The following KIF15 variants were observed in gnomAD, a reference collection of about 807,000 sequenced individuals.
The protein encoded by KIF15 is kinesin family member 15, also known as kinesin-like protein KIF15.
In KIF15, 140 loss-of-function variants were observed where a neutral mutation model predicts 190.6. The ratio of observed to expected loss-of-function variants is 0.73; its 90% CI spans 0.64 to 0.84. KIF15 has a LOEUF of 0.84. Ranked by LOEUF, KIF15 falls within the 40% of genes least tolerant of loss-of-function variation. The probability of loss-of-function intolerance (pLI) is 0.00; values close to 1 mark genes in which losing one functional copy is unlikely to be tolerated. For synonymous variants in KIF15, 528 were observed against 551.3 expected, an observed-to-expected ratio of 0.96 and a Z score of 0.59; for missense variants, 1,372 against 1,584.4, an observed-to-expected ratio of 0.87 and a Z score of 2.28.
chr3:44,812,823 A>G (rs1707848791), intron 18 of KIF15, among the ~76,000 whole-genome samples: 4 of 152,164 alleles, frequency 2.6e-5, no homozygotes, highest in Admixed American at 2.6e-4. Flanking sequence ...CGTCTCTACT[A>G]AAAATACAAA....
intron 20 of KIF15, among the ~76,000 whole-genome samples, chr3:44,824,651 T>C (rs1399915132): frequency 1.3e-5 from 2 of 152,184 alleles, no homozygotes; most frequent in African/African-American, 2.4e-5. Context: ...GATCTTAATT[T>C]CCTAATGTTT....
chr3:44,790,695 C>CTTTTTTTTTTTT (rs56414094), intron 7 of KIF15, among the ~76,000 whole-genome samples: 4 of 97,972 alleles, frequency 4.1e-5, no homozygotes, highest in Non-Finnish European at 5.8e-5. Context: ...TTTTCTGTTT[C>CTTTTTTTTTTTT]TTTTTTTTTT....
chr3:44,835,780 G>A (rs1050596763), intron 26 of KIF15, among the ~76,000 whole-genome samples: 5 of 152,202 alleles, frequency 3.3e-5, no homozygotes, highest in Non-Finnish European at 7.3e-5. Context: ...TTTCTCAACA[G>A]TGAAGAAAGA....
intron 6 of KIF15, chr3:44,864,315 C>A (rs377066913): frequency 6.2e-7 from 1 of 1,614,070 alleles, no homozygotes; most frequent in Non-Finnish European, 8.5e-7. Context: ...GCATCTGTCA[C>A]AGTGACTTTT....
At chr3:44,846,312 A>G (rs1370760360) in intron 30 of KIF15, among the ~76,000 whole-genome samples, 1 of 152,058 alleles carries the variant, frequency 6.6e-6, no homozygotes, top group Non-Finnish European at 1.5e-5. Context: ...AAACTCAAGG[A>G]CCGTATTTGT....
chr3:44,762,505 T>G (rs1465772729), intron 1 of KIF15, among the ~76,000 whole-genome samples: 1 of 152,216 alleles, frequency 6.6e-6, no homozygotes, highest in Non-Finnish European at 1.5e-5. Flanking sequence ...ACTAACGTAG[T>G]CATTTGCTGT....
chr3:44,830,041 T>A lies in KIF15; in HGVS notation c.3014T>A (p.Ile1005Lys). The stretch of plus-strand genomic sequence containing the variant: ...TCGGTCTGTGAGAAAACAGAAACTA[T>A]AGACACCCTGAAACAAGAACTGAAG... ...RTSVCEKTETIDTLKQELKDI... is the reference protein window; with the variant it reads ...RTSVCEKTETKDTLKQELKDI... Residue 1005 changes from isoleucine (I) to lysine (K), a missense_variant, in exon 25 of 35, where the codon ATA becomes AAA. Transcript: ENST00000326047. 1 of 1,592,760 alleles carries A rather than the reference T, an allele frequency of 6.3e-7. No homozygotes were observed. Among genetic ancestry groups the A allele is most frequent in the East Asian group, 2.3e-5 (1 of 43,388 alleles).
chr3:44,847,634 G>T (rs912994948), intron 30 of KIF15, among the ~76,000 whole-genome samples: 2 of 152,116 alleles, frequency 1.3e-5, no homozygotes, highest in South Asian at 4.1e-4. Flanking sequence ...CCAGGCTCTT[G>T]GCTCTTTCTT....
intron 6 of KIF15, chr3:44,861,976 CCT>C: frequency 7.2e-7 from 1 of 1,388,122 alleles, no homozygotes; most frequent in Non-Finnish European, 9.3e-7. Context: ...GACCGCGTAC[CCT>C]GACACCCCCG....
At position 44,815,088 on chromosome 3, in the gene KIF15, CT is replaced by C; in HGVS notation, c.2549+16del. On this transcript the variant is annotated intron_variant, in intron 20 of 34. Coordinates refer to ENST00000326047, the MANE Select transcript of KIF15 (RefSeq NM_020242.3). Reference sequence around the variant, plus strand: ...TTAGATAATCTCAGGTAGAGTTGTTCTTTTATGGTTTCAAGTTGCCTGATTG... The same window carrying C: ...TTAGATAATCTCAGGTAGAGTTGTTCTTTATGGTTTCAAGTTGCCTGATTG... 6.5e-7 allele frequency: 1 copy of C among 1,548,358 alleles called. No homozygotes were observed. The highest frequency in any genetic ancestry group is 2.0e-5 in the Admixed American group (1 of 49,866).
intron 20 of KIF15, among the ~76,000 whole-genome samples, chr3:44,818,647 G>A (rs990357748): frequency 6.6e-6 from 1 of 152,254 alleles, no homozygotes; most frequent in African/African-American, 2.4e-5. Flanking sequence ...CACTTTGCCA[G>A]TATTTTATTG....
chr3:44,861,364 A>T (rs995044020), intron 6 of KIF15, among the ~76,000 whole-genome samples: 38 of 152,324 alleles, frequency 2.5e-4, no homozygotes, highest in African/African-American at 9.1e-4. Context: ...TTGATTATGG[A>T]TCATTGTCTT....
Position 44,770,088 on chromosome 3 carries a change from A to G in KIF15, c.20-4307A>G, listed in dbSNP as rs559634398. ...GGAGATCTCTGGTTGGATCACAGGC[A>G]TAAGCAGGGTTAGTTTTTAAACGAA... On this transcript the variant is annotated intron_variant, in intron 1 of 34. Transcript: ENST00000326047. 3.9e-5 allele frequency among the ~76,000 whole-genome samples: 6 copies of G among 152,332 alleles called. No individual in the cohort carries two copies. The South Asian group carries it at 1.2e-3, about 32-fold the overall frequency.
chr3:44,830,559 T>C (rs1412691604), intron 25 of KIF15, among the ~76,000 whole-genome samples: 1 of 152,212 alleles, frequency 6.6e-6, no homozygotes, highest in East Asian at 1.9e-4. Flanking sequence ...AGCATGTATC[T>C]GAGTTCAGTG....
intron 20 of KIF15, among the ~76,000 whole-genome samples, chr3:44,821,137 C>CA (rs1173324863): frequency 6.7e-6 from 1 of 149,064 alleles, no homozygotes; most frequent in Admixed American, 6.6e-5. Flanking sequence ...GGCTGACCCC[C>CA]CCACCTCCCT....
chr3:44,820,005 T>G (rs901355145), intron 20 of KIF15, among the ~76,000 whole-genome samples: 1 of 152,220 alleles, frequency 6.6e-6, no homozygotes, highest in Non-Finnish European at 1.5e-5. Context: ...TGTAATGGCC[T>G]TCTTTGTCTC....
intron 26 of KIF15, among the ~76,000 whole-genome samples, chr3:44,834,548 T>C (rs1698216865): frequency 2.0e-5 from 3 of 152,164 alleles, no homozygotes; most frequent in African/African-American, 7.2e-5. Flanking sequence ...GTTAAAACGT[T>C]AGGAGAGAAT....
In KIF15 at chr3:44,845,900, GAGCTTTATTTCA is replaced by G. The variant is rs1698828181; in HGVS notation, c.3696-2072_3696-2061del. Among the ~76,000 whole-genome samples the G allele has an allele frequency of 2.0e-5, 3 of 152,122 alleles. No homozygotes were observed. The South Asian group carries it at 6.2e-4, about 31-fold the overall frequency. ...CCTGCACTGAGCTTCTGTGACCCGTGAGCTTTATTTCAAGCTTTATTTCATGGATTTCTCTTT... is the reference window on the plus strand; with the variant it reads ...CCTGCACTGAGCTTCTGTGACCCGTGAGCTTTATTTCATGGATTTCTCTTT... On this transcript the variant is annotated intron_variant, in intron 30 of 34. Transcript: ENST00000326047.
chr3:44,840,655 A>ATTTTTTTT (rs60621752), intron 28 of KIF15, among the ~76,000 whole-genome samples, 199 bp downstream of exon 28: 7 of 67,074 alleles, frequency 1.0e-4, no homozygotes, highest in African/African-American at 1.6e-4. Flanking sequence ...TAAGCAGCGG[A>ATTTTTTTT]TTTTTTTTTT....
Sources: gnomAD v4.1 joint callset for allele counts (sites outside exome capture counted in the v4.1 genomes callset) on GRCh38, gnomAD v4.1.1 for gene constraint, MANE v1.5 for transcripts, NCBI Gene and HGNC (gene_info 2026-07-23, HGNC 2026-07-21) for gene names.